Variants in PLEKHG1 observed in about 807,000 individuals in gnomAD.
PLEKHG1 encodes pleckstrin homology domain-containing family G member 1.
In PLEKHG1, 44 loss-of-function variants were observed where a neutral mutation model predicts 100.8. That is an observed-to-expected ratio of 0.44 (90% confidence interval 0.34 to 0.56). PLEKHG1 has a LOEUF of 0.56. Ranked by LOEUF, PLEKHG1 falls within the 20% of genes least tolerant of loss-of-function variation. The pLI is 0.01. For synonymous variants in PLEKHG1, 640 were observed against 662.5 expected (o/e 0.97, Z 0.52); for missense variants, 1,545 against 1,720.9 (o/e 0.90, Z 1.81).
intron 2 of PLEKHG1, among the ~76,000 whole-genome samples, chr6:150,644,334 G>GTGTTTTTTTTTTTTTTTTTTT (rs1778393954): frequency 8.5e-6 from 1 of 117,622 alleles, no homozygotes; most frequent in African/African-American, 3.5e-5. Flanking sequence ...TTCTTTTCGT[G>GTGTTTTTTTTTTTTTTTTTTT]TTTTTTTTTT....
At chr6:150,702,003 C>T (rs534226881) in intron 3 of PLEKHG1, among the ~76,000 whole-genome samples, 1 of 152,314 alleles carries the variant, frequency 6.6e-6, no homozygotes, top group Admixed American at 6.5e-5. Flanking sequence ...TATGATCATA[C>T]AGTAAGTCAC....
intron 1 of PLEKHG1, among the ~76,000 whole-genome samples, chr6:150,724,994 T>C (rs1222733769): frequency 1.3e-5 from 2 of 152,244 alleles, no homozygotes; most frequent in East Asian, 3.8e-4. Context: ...ATTATACCTC[T>C]TAGTTTCCAT....
intron 3 of PLEKHG1, among the ~76,000 whole-genome samples, chr6:150,708,251 T>C (rs1266664081): frequency 1.3e-5 from 2 of 152,172 alleles, no homozygotes; most frequent in African/African-American, 4.8e-5. Flanking sequence ...GCCTGAGTAC[T>C]TGCCACATAC....
At chr6:150,839,935 C>T in exon 16 of PLEKHG1, 3 of 1,613,400 alleles carry the variant, frequency 1.9e-6, no homozygotes, top group Non-Finnish European at 1.7e-6. Context: ...CAAGAATCCT[C>T]CCTCCTGAGG....
At chr6:150,646,259 TATCTA>T (rs1402550647) in intron 2 of PLEKHG1, among the ~76,000 whole-genome samples, 2 of 152,086 alleles carry the variant, frequency 1.3e-5, no homozygotes, top group African/African-American at 4.8e-5. Context: ...CTCTTGTTCT[TATCTA>T]ATAGTGGGAA....
intron 3 of PLEKHG1, among the ~76,000 whole-genome samples, chr6:150,653,278 T>C (rs1778821904): frequency 6.6e-6 from 1 of 152,312 alleles, no homozygotes; most frequent in East Asian, 1.9e-4. Context: ...TATATTTGTC[T>C]TTATACCAAT....
At chr6:150,603,086 A>T (rs1018899713) in intron 1 of PLEKHG1, among the ~76,000 whole-genome samples, 6 of 148,976 alleles carry the variant, frequency 4.0e-5, no homozygotes, top group East Asian at 1.9e-4. Context: ...TCTCAAAAAA[A>T]AAAAAAATAA....
At chr6:150,615,401 A>G (rs916580595) in intron 1 of PLEKHG1, among the ~76,000 whole-genome samples, 7 of 152,128 alleles carry the variant, frequency 4.6e-5, no homozygotes, top group African/African-American at 1.7e-4. Context: ...CTTCTCTGAT[A>G]TGTCTGTGGC....
At chr6:150,755,266 G>A (rs759690322) in intron 2 of PLEKHG1, among the ~76,000 whole-genome samples, 30 of 152,214 alleles carry the variant, frequency 2.0e-4, no homozygotes, top group Admixed American at 7.8e-4. Flanking sequence ...ATGAGCCACC[G>A]CGCCTGGCCG....
In PLEKHG1 at chr6:150,832,141, G is replaced by A. The variant is rs764165811; in HGVS notation, c.3030G>A (p.Gln1010=). 4.3e-6 allele frequency: 7 copies of A among 1,613,354 alleles called. No homozygotes were observed. The South Asian group carries it at 7.7e-5, about 18-fold the overall frequency. The change falls in exon 15 of 16, where the codon CAG becomes CAA. Residue 1010 remains glutamine, a synonymous_variant. Transcript: ENST00000358517. ...AGCAGCCGCCGGCCAGTCAGCATCAGAAATCCATGCACAAAGACCTGGCTG... is the reference window on the plus strand; with the variant it reads ...AGCAGCCGCCGGCCAGTCAGCATCAAAAATCCATGCACAAAGACCTGGCTG...
chr6:150,674,704 A>G (rs1779697991), intron 3 of PLEKHG1, among the ~76,000 whole-genome samples: 1 of 116,666 alleles, frequency 8.6e-6, no homozygotes, highest in African/African-American at 3.4e-5. Context: ...TCTTCTTTCC[A>G]TGGAGTCTCG....
chr6:150,636,119 C>T (rs903110262), intron 1 of PLEKHG1, among the ~76,000 whole-genome samples: 1 of 152,112 alleles, frequency 6.6e-6, no homozygotes, highest in African/African-American at 2.4e-5. Context: ...ATACCTAAGA[C>T]TTGAGTTTTC....
chr6:150,612,285 A>G (rs1403461642), intron 1 of PLEKHG1, among the ~76,000 whole-genome samples: 1 of 152,148 alleles, frequency 6.6e-6, no homozygotes, highest in African/African-American at 2.4e-5. Flanking sequence ...TAACTAGAAC[A>G]CGAACCTGAC....
At chr6:150,840,341 T>C (rs1405997365) in exon 16 of PLEKHG1, 1 of 1,614,228 alleles carries the variant, frequency 6.2e-7, no homozygotes, top group Non-Finnish European at 8.5e-7. Context: ...ACCCTAGTGA[T>C]GTGGGAAAGC....
intron 5 of PLEKHG1, among the ~76,000 whole-genome samples, chr6:150,797,102 A>G (rs1786380938): frequency 6.6e-6 from 1 of 151,728 alleles, no homozygotes; most frequent in East Asian, 1.9e-4. Context: ...TGATTCTCCT[A>G]CCTCAACCTC....
chr6:150,762,925 T>C (rs181759641), intron 2 of PLEKHG1, among the ~76,000 whole-genome samples: 109 of 152,306 alleles, frequency 7.2e-4, no homozygotes, highest in Non-Finnish European at 1.0e-3. Flanking sequence ...CACAGTACTT[T>C]GTAAATAATT....
intron 3 of PLEKHG1, among the ~76,000 whole-genome samples, chr6:150,674,632 C>CT (rs1562427503): frequency 0.036 from 2,393 of 66,126 alleles, 236 homozygotes; most frequent in Middle Eastern, 0.062. Flanking sequence ...CTCTCTCCTC[C>CT]CTCTCTCTCT....
intron 2 of PLEKHG1, among the ~76,000 whole-genome samples, chr6:150,762,734 G>T (rs544979486): frequency 5.8e-4 from 88 of 152,242 alleles, no homozygotes; most frequent in African/African-American, 2.1e-3. Context: ...TTCTTTGGCT[G>T]TAACTTCCTC....
At chr6:150,657,658 A>G (rs1178911032) in intron 3 of PLEKHG1, among the ~76,000 whole-genome samples, 1 of 152,228 alleles carries the variant, frequency 6.6e-6, no homozygotes, top group Non-Finnish European at 1.5e-5. Flanking sequence ...TTAGCAAGTT[A>G]TTCACTTGTT....
Sources: allele counts gnomAD v4.1 joint callset (sites outside exome capture counted in the v4.1 genomes callset), GRCh38; gene constraint gnomAD v4.1.1; transcripts MANE v1.5; gene names NCBI Gene and HGNC (gene_info 2026-07-23, HGNC 2026-07-21).